The following PRKG1 variants were observed in gnomAD, a reference collection of about 807,000 sequenced individuals.
PRKG1 encodes cGMP-dependent protein kinase 1.
In PRKG1, 35 loss-of-function variants were observed where a neutral mutation model predicts 88.1. That is an observed-to-expected ratio of 0.40 (90% CI 0.30 to 0.53). The LOEUF (loss-of-function observed/expected upper bound fraction) is 0.53, where lower values mean the gene tolerates loss of function less well. Among genes scored for constraint, PRKG1 ranks in the 20% least tolerant of loss-of-function variants. The pLI, the probability that PRKG1 is intolerant of heterozygous loss-of-function variation, is 0.59. For missense variants in PRKG1, 540 were observed against 839.8 expected (o/e 0.64, Z 4.41); for synonymous variants, 303 against 292.5 (o/e 1.04, Z -0.37).
In PRKG1 at chr10:51,803,820, C is replaced by T. The variant is rs183728979; in HGVS notation, c.593-765C>T. Among the ~76,000 whole-genome samples the T allele has an allele frequency of 6.2e-3, 943 of 152,212 alleles. 5 individuals carry two copies. Among genetic ancestry groups the T allele is most frequent in the Non-Finnish European group, 9.8e-3 (667 of 68,000 alleles). ...ATAAGAAATCTCTCATATGCCATCA[C>T]ACCAATGTAATAACCAAGATTTTTA... On this transcript the variant is annotated intron_variant, in intron 3 of 17. Coordinates refer to ENST00000373980, the MANE Select transcript of PRKG1 (RefSeq NM_006258.4).
intron 3 of PRKG1, among the ~76,000 whole-genome samples, chr10:51,619,388 G>T (rs977546779): frequency 3.9e-5 from 6 of 152,222 alleles, no homozygotes; most frequent in African/African-American, 1.4e-4. Flanking sequence ...GTTTTCATTT[G>T]ACTGGGTCTT....
At chr10:51,766,482 C>T (rs986312849) in intron 3 of PRKG1, among the ~76,000 whole-genome samples, 3 of 152,140 alleles carry the variant, frequency 2.0e-5, no homozygotes, top group Non-Finnish European at 2.9e-5. Flanking sequence ...GACCTGCCCC[C>T]CAACCATGCC....
intron 1 of PRKG1, among the ~76,000 whole-genome samples, chr10:51,004,868 G>A (rs947716890): frequency 6.6e-6 from 1 of 152,028 alleles, no homozygotes; most frequent in African/African-American, 2.4e-5. Flanking sequence ...ATAATGATTT[G>A]TTTTTCTTTT....
intron 5 of PRKG1, among the ~76,000 whole-genome samples, chr10:52,027,132 C>T (rs1589532656): frequency 6.6e-6 from 1 of 152,116 alleles, no homozygotes; most frequent in Non-Finnish European, 1.5e-5. Context: ...AAGAAAGCAA[C>T]TCATATGGTC....
intron 5 of PRKG1, among the ~76,000 whole-genome samples, chr10:52,044,717 A>G (rs1010539239): frequency 3.9e-5 from 6 of 152,002 alleles, no homozygotes; most frequent in African/African-American, 1.2e-4. Flanking sequence ...GTTCTATTCC[A>G]TTTTTTTAAA....
intron 2 of PRKG1, among the ~76,000 whole-genome samples, chr10:51,457,395 G>A (rs1465136092): frequency 6.6e-6 from 1 of 152,102 alleles, no homozygotes; most frequent in Non-Finnish European, 1.5e-5. Flanking sequence ...AAAGACATAA[G>A]AATGATATAA....
rs114968092 is a variant in PRKG1, at chr10:52,132,837, G to A, written c.936-1003G>A. Among the ~76,000 whole-genome samples the A allele has an allele frequency of 4.9e-3, 743 of 152,066 alleles. 2 individuals are homozygous for A. The highest frequency in any genetic ancestry group is 0.017 in the African/African-American group (706 of 41,502). ...AGTGTACATTTTTATGTGTACTTAG[G>A]TGTACATAGTAGGGAGTACATGAGA... On this transcript the variant is annotated intron_variant, in intron 7 of 17. Transcript: ENST00000373980.
At chr10:51,151,948 G>A (rs1846083704) in intron 1 of PRKG1, among the ~76,000 whole-genome samples, 1 of 151,876 alleles carries the variant, frequency 6.6e-6, no homozygotes, top group Admixed American at 6.6e-5. Flanking sequence ...AAGGAAATGA[G>A]GACTAAGGTC....
intron 5 of PRKG1, among the ~76,000 whole-genome samples, chr10:51,988,918 CT>C (rs930417004): frequency 3.4e-4 from 51 of 151,764 alleles, no homozygotes; most frequent in Non-Finnish European, 5.2e-4. Context: ...ATGTTGTTGC[CT>C]TTTTTTTCTG....
chr10:51,406,411 G>A (rs973988027), intron 2 of PRKG1, among the ~76,000 whole-genome samples: 5 of 152,110 alleles, frequency 3.3e-5, no homozygotes, highest in Admixed American at 6.5e-5. Flanking sequence ...AAACCCAGGC[G>A]AGATGAAGCC....
At chr10:51,617,657 A>T (rs1205619503) in intron 3 of PRKG1, among the ~76,000 whole-genome samples, 2 of 152,244 alleles carry the variant, frequency 1.3e-5, no homozygotes, top group African/African-American at 4.8e-5. Context: ...AAGCTATACC[A>T]TATAGCCTCA....
chr10:51,094,183 G>GA (rs951510077), intron 1 of PRKG1, among the ~76,000 whole-genome samples: 2 of 151,916 alleles, frequency 1.3e-5, no homozygotes, highest in Non-Finnish European at 2.9e-5. Context: ...CTAGGGCATA[G>GA]AAAACACTTA....
chr10:52,141,455 G>C (rs188123900), intron 8 of PRKG1, among the ~76,000 whole-genome samples: 1 of 152,034 alleles, frequency 6.6e-6, no homozygotes, highest in African/African-American at 2.4e-5. Flanking sequence ...GACTGACTGG[G>C]ATGCCCAGAC....
intron 3 of PRKG1, among the ~76,000 whole-genome samples, chr10:51,620,294 A>G (rs1839171897): frequency 6.6e-6 from 1 of 152,196 alleles, no homozygotes; most frequent in Non-Finnish European, 1.5e-5. Flanking sequence ...AGTAATACCT[A>G]GAATGGCTTT....
intron 4 of PRKG1, among the ~76,000 whole-genome samples, chr10:51,855,208 C>G (rs1460229698): frequency 1.3e-5 from 2 of 152,146 alleles, no homozygotes; most frequent in East Asian, 3.9e-4. Context: ...CTCTATCTTT[C>G]AGCCTAAATT....
At chr10:51,368,709 G>A (rs1755331947) in intron 2 of PRKG1, among the ~76,000 whole-genome samples, 1 of 152,074 alleles carries the variant, frequency 6.6e-6, no homozygotes, top group African/African-American at 2.4e-5. Flanking sequence ...AAGAGTACTA[G>A]AATGTAGGAC....
intron 4 of PRKG1, among the ~76,000 whole-genome samples, chr10:51,839,426 T>G (rs1840212755): frequency 6.6e-6 from 1 of 152,132 alleles, no homozygotes; most frequent in Admixed American, 6.6e-5. Flanking sequence ...AATTCAGTGA[T>G]TTGCACAGGG....
intron 5 of PRKG1, among the ~76,000 whole-genome samples, chr10:51,981,918 C>T (rs1176717841): frequency 6.6e-6 from 1 of 152,154 alleles, no homozygotes; most frequent in Non-Finnish European, 1.5e-5. Context: ...TTCCAAGTTG[C>T]TTACACTCTC....
intron 7 of PRKG1, among the ~76,000 whole-genome samples, chr10:52,092,974 G>C (rs1341602798): frequency 6.6e-6 from 1 of 152,132 alleles, no homozygotes; most frequent in Non-Finnish European, 1.5e-5. Flanking sequence ...GTGGACTGTA[G>C]AATCCTGGTT....
Sources: gnomAD v4.1 joint callset for allele counts (sites outside exome capture counted in the v4.1 genomes callset) on GRCh38, gnomAD v4.1.1 for gene constraint, MANE v1.5 for transcripts, NCBI Gene and HGNC (gene_info 2026-07-23, HGNC 2026-07-21) for gene names.